The following HK2 variants were observed in gnomAD, a reference collection of about 807,000 sequenced individuals.
HK2 encodes the protein hexokinase 2.
In HK2, 42 loss-of-function variants were observed where a neutral mutation model predicts 92.9. The observed-to-expected ratio is 0.45, with a 90% CI of 0.35 to 0.58. HK2 has a LOEUF of 0.58. Ranked by LOEUF, HK2 falls within the 20% of genes least tolerant of loss-of-function variation. The probability of loss-of-function intolerance (pLI) is 0.00; values close to 1 mark genes in which losing one functional copy is unlikely to be tolerated. For synonymous variants in HK2, 422 were observed against 468.0 expected (o/e 0.90, Z 1.27); for missense variants, 978 against 1,245.1 (o/e 0.79, Z 3.23).
chr2:74,835,553 A>G (rs1352144261), intron 1 of HK2, among the ~76,000 whole-genome samples: 1 of 152,158 alleles, frequency 6.6e-6, no homozygotes, highest in East Asian at 1.9e-4. Flanking sequence ...TTTACATAAG[A>G]AAGAGCCTCA....
intron 2 of HK2, among the ~76,000 whole-genome samples, chr2:74,866,810 A>T (rs1688960109): frequency 6.6e-6 from 1 of 152,082 alleles, no homozygotes; most frequent in African/African-American, 2.4e-5. Context: ...AGATCCTTTG[A>T]GGGGGCACCT....
chr2:74,835,021 C>A, intron 1 of HK2: 1 of 338,170 alleles, frequency 3.0e-6, no homozygotes, highest in East Asian at 7.7e-5. Context: ...CCGGCGAGAG[C>A]ACGTGGAGAG....
At chr2:74,884,830 A>G (rs1445698369) in intron 12 of HK2, among the ~76,000 whole-genome samples, 2 of 152,222 alleles carry the variant, frequency 1.3e-5, no homozygotes, top group Admixed American at 6.5e-5. Context: ...GCCGTCAAGC[A>G]TCTGCTCCCA....
intron 12 of HK2, 40 bp from the exon 13 acceptor site, chr2:74,885,454 C>T: frequency 6.8e-7 from 1 of 1,465,646 alleles, no homozygotes; most frequent in South Asian, 1.1e-5. Context: ...CCTGGGAGCT[C>T]TTCCCTGATG....
chr2:74,857,377 T>C (rs1688718943), intron 2 of HK2, among the ~76,000 whole-genome samples: 1 of 152,254 alleles, frequency 6.6e-6, no homozygotes. Flanking sequence ...AGTTCATTTT[T>C]GTGTTGCTGT....
At chr2:74,849,609 CT>C (rs1688519278) in intron 1 of HK2, among the ~76,000 whole-genome samples, 1 of 152,174 alleles carries the variant, frequency 6.6e-6, no homozygotes. Flanking sequence ...GGGAAACAGC[CT>C]CTGCTTTGTG....
chr2:74,886,161 C>A, intron 13 of HK2, 133 bp from the exon 14 acceptor site: 1 of 772,614 alleles, frequency 1.3e-6, no homozygotes, highest in East Asian at 2.7e-5. Context: ...TAAGCACAGA[C>A]CTGAATGGAA....
chr2:74,841,146 A>G (rs1054312250), intron 1 of HK2, among the ~76,000 whole-genome samples: 34 of 152,278 alleles, frequency 2.2e-4, no homozygotes, highest in Non-Finnish European at 1.3e-4. Context: ...ATTTCCAGAG[A>G]CAAAGCCTAT....
chr2:74,862,542 C>A (rs569680912), intron 2 of HK2, among the ~76,000 whole-genome samples: 19 of 152,144 alleles, frequency 1.2e-4, no homozygotes, highest in African/African-American at 4.6e-4. Flanking sequence ...AAAGGGAGAC[C>A]GGGCTGGTGA....
At chr2:74,856,516 G>C (rs1165300221) in intron 2 of HK2, among the ~76,000 whole-genome samples, 1 of 152,110 alleles carries the variant, frequency 6.6e-6, no homozygotes, top group East Asian at 1.9e-4. Flanking sequence ...TTGACATTCA[G>C]ATAAATGTAC....
At position 74,867,636 on chromosome 2, in the gene HK2, A is replaced by G; in HGVS notation, c.227A>G (p.Glu76Gly). The G allele has an allele frequency of 6.2e-7, 1 of 1,613,046 alleles. No individual in the cohort carries two copies. Among genetic ancestry groups the G allele is most frequent in the Non-Finnish European group, 8.5e-7 (1 of 1,179,976 alleles). Residue 76 changes from glutamate (E) to glycine (G), a missense_variant and splice_region_variant, in exon 3 of 18, where the codon GAA (glutamate) becomes GGA (glycine). Physicochemically the swap from Glu to Gly is moderately conservative, Grantham distance 98. Transcript: ENST00000290573. ...ATAGTGGCCCTTCCTTTCTCTGCAG[A>G]ACACGGAGAGTTCCTGGCTCTGGAT... The part of the protein sequence containing the change: ...TFVRSTPDGT[E>G]HGEFLALDLG...
intron 2 of HK2, among the ~76,000 whole-genome samples, chr2:74,855,485 T>C (rs2103890182): frequency 6.6e-6 from 1 of 152,296 alleles, no homozygotes; most frequent in Admixed American, 6.5e-5. Context: ...CCCGCCCACC[T>C]CGGCCTCCCA....
intron 3 of HK2, among the ~76,000 whole-genome samples, chr2:74,870,841 G>A (rs955960117): frequency 5.9e-5 from 9 of 152,294 alleles, no homozygotes; most frequent in Middle Eastern, 3.4e-3. Context: ...TTTGGAGGTC[G>A]AAGGTTCAGC....
intron 2 of HK2, among the ~76,000 whole-genome samples, chr2:74,864,719 C>G (rs1325141984): frequency 6.6e-6 from 1 of 152,200 alleles, no homozygotes; most frequent in African/African-American, 2.4e-5. Context: ...GTTGACCAGG[C>G]TGGTCTCAAA....
At chr2:74,839,119 A>G (rs1462755480) in intron 1 of HK2, among the ~76,000 whole-genome samples, 1 of 152,222 alleles carries the variant, frequency 6.6e-6, no homozygotes, top group Admixed American at 6.5e-5. Context: ...AGAGACCCCA[A>G]GAGTCAAGAA....
At chr2:74,843,595 C>T (rs148834861) in intron 1 of HK2, among the ~76,000 whole-genome samples, 1 of 152,156 alleles carries the variant, frequency 6.6e-6, no homozygotes, top group Non-Finnish European at 1.5e-5. Context: ...GCTCTGGAAG[C>T]CCTTGGGGCC....
chr2:74,875,518 A>G (rs1284368132), intron 7 of HK2, among the ~76,000 whole-genome samples: 1 of 151,984 alleles, frequency 6.6e-6, no homozygotes, highest in Non-Finnish European at 1.5e-5. Flanking sequence ...TATTAGAGAC[A>G]GGGTTTCACC....
rs759912065 is a variant in HK2 at position 74,867,595 on chromosome 2, A to C, written c.227-41A>C. ...TAAGTCTCGGTTGGTTCCTGGAAGA[A>C]TTTTGCCCAAAATTAATAGTGGCCC... On this transcript the variant is annotated intron_variant, in intron 2 of 17. Transcript: ENST00000290573. 11 of 1,611,664 alleles carry C rather than the reference A, an allele frequency of 6.8e-6. No individual in the cohort carries two copies. In the Admixed American group the frequency reaches 1.8e-4, roughly 27 times the overall value.
intron 9 of HK2, 67 bp from the exon 10 acceptor site, chr2:74,880,198 T>C: frequency 1.3e-6 from 2 of 1,563,246 alleles, no homozygotes; most frequent in East Asian, 4.5e-5. Context: ...TGGGCAACTG[T>C]CTAACTATTT....
Sources: allele counts gnomAD v4.1 joint callset (sites outside exome capture counted in the v4.1 genomes callset), GRCh38; gene constraint gnomAD v4.1.1; transcripts MANE v1.5; gene names NCBI Gene and HGNC (gene_info 2026-07-23, HGNC 2026-07-21).